Variants in COL26A1 observed in about 807,000 individuals in gnomAD.
The protein encoded by COL26A1 is collagen alpha-1(XXVI) chain.
COL26A1 carries 41 observed loss-of-function variants against 59.3 expected under a neutral mutation model. That is an observed-to-expected ratio of 0.69 (90% CI 0.54 to 0.90). COL26A1 has a LOEUF of 0.90. Among genes scored for constraint, COL26A1 ranks in the 40% least tolerant of loss-of-function variants. COL26A1 has a pLI of 0.00. For missense variants in COL26A1, 612 were observed against 602.3 expected, an observed-to-expected ratio of 1.02 and a Z score of -0.17; for synonymous variants, 266 against 256.0, an observed-to-expected ratio of 1.04 and a Z score of -0.37.
chr7:101,460,511 G>C (rs1053767352), intron 3 of COL26A1, among the ~76,000 whole-genome samples: 7 of 151,990 alleles, frequency 4.6e-5, no homozygotes, highest in African/African-American at 1.7e-4. Flanking sequence ...GGCCAGGCGC[G>C]GTGGCTCACA....
At chr7:101,415,399 C>T (rs1792350284) in intron 1 of COL26A1, among the ~76,000 whole-genome samples, 1 of 152,132 alleles carries the variant, frequency 6.6e-6, no homozygotes, top group African/African-American at 2.4e-5. Flanking sequence ...GATGATCTAC[C>T]CGCCTTGGTT....
At chr7:101,503,091 T>C (rs1279312021) in intron 3 of COL26A1, among the ~76,000 whole-genome samples, 1 of 152,154 alleles carries the variant, frequency 6.6e-6, no homozygotes, top group Non-Finnish European at 1.5e-5. Flanking sequence ...ATATACGCAG[T>C]TACTCCTGTT....
chr7:101,495,721 C>T (rs570433435), intron 3 of COL26A1, among the ~76,000 whole-genome samples: 33 of 151,000 alleles, frequency 2.2e-4, no homozygotes, highest in Non-Finnish European at 3.0e-4. Flanking sequence ...GCCCGGCCAG[C>T]GTAGGGTATT....
intron 3 of COL26A1, among the ~76,000 whole-genome samples, chr7:101,460,557 C>T (rs62464273): frequency 0.27 from 41,077 of 151,852 alleles, 5,970 homozygotes; most frequent in Middle Eastern, 0.34. Context: ...TGGAGGTGGG[C>T]GGATCACGAG....
At chr7:101,497,683 A>T (rs757278504) in intron 3 of COL26A1, among the ~76,000 whole-genome samples, 1 of 151,750 alleles carries the variant, frequency 6.6e-6, no homozygotes, top group African/African-American at 2.4e-5. Context: ...CTCAGAAAAA[A>T]AATAAATAAA....
At chr7:101,475,616 G>A (rs745731870) in intron 3 of COL26A1, among the ~76,000 whole-genome samples, 61 of 152,006 alleles carry the variant, frequency 4.0e-4, no homozygotes, top group Admixed American at 2.2e-3. Context: ...GTGTGTGTTC[G>A]ATGTGTGTGT....
chr7:101,384,020 A>G (rs375608362), intron 1 of COL26A1, among the ~76,000 whole-genome samples: 15 of 136,248 alleles, frequency 1.1e-4, no homozygotes, highest in African/African-American at 4.7e-4. Context: ...TTGTTTATTT[A>G]TTTATTTATT....
intron 1 of COL26A1, among the ~76,000 whole-genome samples, chr7:101,398,172 G>A (rs1791904182): frequency 6.6e-6 from 1 of 152,140 alleles, no homozygotes; most frequent in African/African-American, 2.4e-5. Context: ...GGAATCCCAT[G>A]CTGCTTCCAT....
chr7:101,526,084 T>A (rs1795241889), intron 3 of COL26A1, among the ~76,000 whole-genome samples: 1 of 151,966 alleles, frequency 6.6e-6, no homozygotes, highest in Non-Finnish European at 1.5e-5. Flanking sequence ...GTTTCGCTCT[T>A]GTTGCCCAGG....
intron 1 of COL26A1, among the ~76,000 whole-genome samples, chr7:101,400,449 C>T (rs1344997661): frequency 6.7e-6 from 1 of 150,144 alleles, no homozygotes; most frequent in Non-Finnish European, 1.5e-5. Flanking sequence ...GCAACCTCCA[C>T]CTCCTGGATT....
At chr7:101,501,316 A>G (rs1794703393) in intron 3 of COL26A1, among the ~76,000 whole-genome samples, 1 of 151,118 alleles carries the variant, frequency 6.6e-6, no homozygotes, top group African/African-American at 2.4e-5. Flanking sequence ...GTCATTAGCT[A>G]GGAGACACGC....
At chr7:101,482,126 C>T (rs1189610202) in intron 3 of COL26A1, among the ~76,000 whole-genome samples, 1 of 151,898 alleles carries the variant, frequency 6.6e-6, no homozygotes, top group Admixed American at 6.6e-5. Context: ...AAGCAGTTCT[C>T]CTCCCGAGTA....
intron 4 of COL26A1, among the ~76,000 whole-genome samples, chr7:101,533,992 C>T (rs999832659): frequency 1.3e-5 from 2 of 152,204 alleles, no homozygotes; most frequent in African/African-American, 4.8e-5. Context: ...GTGTCTGCCC[C>T]GATGGGGACA....
intron 3 of COL26A1, among the ~76,000 whole-genome samples, chr7:101,483,982 C>A (rs1029061231): frequency 5.2e-5 from 6 of 115,910 alleles, no homozygotes; most frequent in Non-Finnish European, 9.3e-5. Context: ...CCCCAGCTAA[C>A]TTTTTAAAGT....
At chr7:101,538,474 T>C (rs1033592887) in intron 4 of COL26A1, among the ~76,000 whole-genome samples, 10 of 152,240 alleles carry the variant, frequency 6.6e-5, no homozygotes, top group African/African-American at 2.4e-4. Flanking sequence ...TCTGAGCCTC[T>C]GTCTCCACCT....
At chr7:101,450,572 G>A (rs1045960200) in intron 3 of COL26A1, among the ~76,000 whole-genome samples, 12 of 152,050 alleles carry the variant, frequency 7.9e-5, no homozygotes, top group Non-Finnish European at 1.3e-4. Context: ...CACGAGCCAA[G>A]TGCAAAGGCC....
Position 101,489,473 on chromosome 7 carries a change from T to C in COL26A1, c.385+41686T>C, listed in dbSNP as rs146228092. On this transcript the variant is annotated intron_variant, in intron 3 of 12. Transcript: ENST00000313669. ...TGATCCAGACGCCAAGAGAGGATTCTTGGATTTCACACAAGAAACAATTCA... is the reference window on the plus strand; with the variant it reads ...TGATCCAGACGCCAAGAGAGGATTCCTGGATTTCACACAAGAAACAATTCA... Among the ~76,000 whole-genome samples the C allele has an allele frequency of 2.4e-3, 363 of 152,318 alleles. 1 individual carries two copies. The highest frequency in any genetic ancestry group is 8.4e-3 in the African/African-American group (349 of 41,568).
intron 3 of COL26A1, among the ~76,000 whole-genome samples, chr7:101,521,573 A>G (rs773694064): frequency 3.3e-5 from 5 of 152,038 alleles, no homozygotes; most frequent in African/African-American, 4.8e-5. Context: ...AAGACTGGTA[A>G]AGGCTTAGGA....
chr7:101,471,567 G>GTTTTTTTTTTTT lies in COL26A1; in HGVS notation c.385+23783_385+23784insTTTTTTTTTTTT, dbSNP rs796287195. ...ATAATGTTTTGTTGTTGTTGTTGTTGTTTGTTTTTTTTTTTTTTTTTTTTT... is the reference window on the plus strand; with the variant it reads ...ATAATGTTTTGTTGTTGTTGTTGTTGTTTTTTTTTTTTTTTGTTTTTTTTTTTTTTTTTTTTT... On this transcript the variant is annotated intron_variant, in intron 3 of 12. Coordinates refer to ENST00000313669, the MANE Select transcript of COL26A1 (RefSeq NM_001278563.3). Among the ~76,000 whole-genome samples the GTTTTTTTTTTTT allele has an allele frequency of 4.2e-4, 47 of 112,416 alleles. 1 individual carries two copies. The highest frequency in any genetic ancestry group is 1.5e-3 in the African/African-American group (43 of 28,438). The allele number at this position is 112,416 out of a possible 152,430, so 73.7% of individuals were successfully genotyped here. A position where few individuals can be genotyped will look rare whatever the true frequency, so the allele number is the denominator to read the frequency against.
Sources: allele counts gnomAD v4.1 joint callset (sites outside exome capture counted in the v4.1 genomes callset), GRCh38; gene constraint gnomAD v4.1.1; transcripts MANE v1.5; gene names NCBI Gene and HGNC (gene_info 2026-07-23, HGNC 2026-07-21).